COG5: variants seen among roughly 807,000 people sequenced by gnomAD.
The protein encoded by COG5 is component of oligomeric golgi complex 5, also known as conserved oligomeric Golgi complex subunit 5.
In COG5, 86 loss-of-function variants were observed where a neutral mutation model predicts 110.4. That is an observed-to-expected ratio of 0.78 (90% CI 0.65 to 0.93). The LOEUF (loss-of-function observed/expected upper bound fraction) is 0.93, where lower values mean the gene tolerates loss of function less well. Ranked by LOEUF, COG5 falls within the 40% of genes least tolerant of loss-of-function variation. The pLI is 0.00. For missense variants in COG5, 1,077 were observed against 987.0 expected, an observed-to-expected ratio of 1.09 and a Z score of -1.22; for synonymous variants, 360 against 334.6, an observed-to-expected ratio of 1.08 and a Z score of -0.83.
At chr7:107,447,242 T>C (rs1441349249) in intron 6 of COG5, among the ~76,000 whole-genome samples, 1 of 152,144 alleles carries the variant, frequency 6.6e-6, no homozygotes, top group Non-Finnish European at 1.5e-5. Context: ...CTCACCTCTC[T>C]GACTCATCTC....
At chr7:107,541,519 AAAAAATAT>A (rs1377032469) in intron 5 of COG5, among the ~76,000 whole-genome samples, 1 of 78,210 alleles carries the variant, frequency 1.3e-5, no homozygotes, top group Non-Finnish European at 2.8e-5. Context: ...AAAAAAAAAA[AAAAAATAT>A]ATATATATAT....
intron 21 of COG5, among the ~76,000 whole-genome samples, chr7:107,205,272 C>T (rs1218816622): frequency 6.6e-6 from 1 of 152,228 alleles, no homozygotes; most frequent in Non-Finnish European, 1.5e-5. Flanking sequence ...TGTGGAATTC[C>T]TGAAGGCTGG....
chr7:107,342,169 A>G (rs1584701798), intron 10 of COG5, among the ~76,000 whole-genome samples: 2 of 152,234 alleles, frequency 1.3e-5, no homozygotes, highest in Admixed American at 1.3e-4. Flanking sequence ...AACTTAATTC[A>G]ACAGTCAAAA....
At chr7:107,213,814 T>A (rs1442680388) in intron 19 of COG5, among the ~76,000 whole-genome samples, 1 of 152,136 alleles carries the variant, frequency 6.6e-6, no homozygotes, top group Non-Finnish European at 1.5e-5. Context: ...GAGGTGGCTG[T>A]CTCCTCAAAT....
intron 10 of COG5, among the ~76,000 whole-genome samples, chr7:107,349,243 T>A (rs976979163): frequency 2.0e-5 from 3 of 152,242 alleles, no homozygotes; most frequent in South Asian, 4.1e-4. Context: ...TAGTCAATCA[T>A]GTAATCTATA....
intron 6 of COG5, among the ~76,000 whole-genome samples, chr7:107,524,981 T>C (rs765153537): frequency 2.6e-5 from 4 of 152,040 alleles, no homozygotes; most frequent in Non-Finnish European, 4.4e-5. Flanking sequence ...CAGGCTGGAG[T>C]GCAGTTGCAG....
rs867123462 is a variant in COG5 at position 107,509,445 on chromosome 7, G to C, written c.538+17792C>G. The stretch of plus-strand genomic sequence containing the variant: ...GATTGGTGTACCTGAAAGTGATGGG[G>C]AGAATGGAACCAAGTTGGAAAACAC... On this transcript the variant is annotated intron_variant, in intron 6 of 21. Coordinates refer to ENST00000297135, the MANE Select transcript of COG5 (RefSeq NM_006348.5). Among the ~76,000 whole-genome samples, 56 of 152,338 alleles carry C rather than the reference G, an allele frequency of 3.7e-4. 1 individual carries two copies. Among genetic ancestry groups the C allele is most frequent in the African/African-American group, 1.3e-3 (52 of 41,582 alleles).
intron 6 of COG5, among the ~76,000 whole-genome samples, chr7:107,476,063 A>ATACTAT (rs1796959412): frequency 6.6e-6 from 1 of 151,178 alleles, no homozygotes; most frequent in Non-Finnish European, 1.5e-5. Flanking sequence ...GTATGCCTAT[A>ATACTAT]ATATACAAAT....
At chr7:107,530,271 C>G (rs546897532) in intron 5 of COG5, among the ~76,000 whole-genome samples, 3 of 152,268 alleles carry the variant, frequency 2.0e-5, no homozygotes, top group Non-Finnish European at 4.4e-5. Context: ...TCAAGTCTCT[C>G]ATTGAAATCC....
chr7:107,554,994 T>C (rs1803204925), intron 2 of COG5, among the ~76,000 whole-genome samples: 1 of 152,146 alleles, frequency 6.6e-6, no homozygotes, highest in Non-Finnish European at 1.5e-5. Context: ...CATTATTATG[T>C]TTTCCCTTTA....
chr7:107,209,595 T>G (rs2116180520), intron 21 of COG5: 1 of 159,958 alleles, frequency 6.3e-6, no homozygotes, highest in South Asian at 2.0e-4. Context: ...ATGATAGCAT[T>G]TAAGGAATGG....
At chr7:107,446,383 G>C (rs1273230886) in intron 6 of COG5, among the ~76,000 whole-genome samples, 1 of 152,114 alleles carries the variant, frequency 6.6e-6, no homozygotes, top group East Asian at 1.9e-4. Flanking sequence ...GGCTAATTAG[G>C]TAATACGGAA....
At chr7:107,416,788 G>A (rs892731878) in intron 6 of COG5, among the ~76,000 whole-genome samples, 1 of 152,188 alleles carries the variant, frequency 6.6e-6, no homozygotes, top group African/African-American at 2.4e-5. Flanking sequence ...CAGCAGATGG[G>A]ACGTTATAGG....
chr7:107,244,367 C>T (rs934892459), intron 17 of COG5, among the ~76,000 whole-genome samples: 4 of 152,138 alleles, frequency 2.6e-5, no homozygotes, highest in African/African-American at 9.7e-5. Flanking sequence ...ATGCTGACAT[C>T]AAAAAGCCAA....
intron 10 of COG5, among the ~76,000 whole-genome samples, chr7:107,355,446 C>G (rs1439657161): frequency 6.6e-6 from 1 of 152,118 alleles, no homozygotes; most frequent in Non-Finnish European, 1.5e-5. Flanking sequence ...ATGCAAAAGG[C>G]TGAGCAAGAG....
intron 14 of COG5, among the ~76,000 whole-genome samples, chr7:107,263,544 T>C (rs964165167): frequency 1.3e-5 from 2 of 152,096 alleles, no homozygotes; most frequent in African/African-American, 4.8e-5. Context: ...GCATTTGAGT[T>C]TATTTTTAAA....
chr7:107,287,784 TATA>T (rs1425869906), intron 12 of COG5, among the ~76,000 whole-genome samples: 2 of 152,194 alleles, frequency 1.3e-5, no homozygotes, highest in Non-Finnish European at 2.9e-5. Context: ...TTTCACTTAG[TATA>T]ATGTTTTCAA....
intron 8 of COG5, among the ~76,000 whole-genome samples, chr7:107,366,671 C>T (rs1813653972): frequency 6.6e-6 from 1 of 152,088 alleles, no homozygotes; most frequent in African/African-American, 2.4e-5. Context: ...TAATACAACA[C>T]TAAAACCCAG....
intron 11 of COG5, among the ~76,000 whole-genome samples, chr7:107,304,560 C>A (rs187919356): frequency 6.6e-6 from 1 of 152,282 alleles, no homozygotes; most frequent in East Asian, 1.9e-4. Context: ...TTATCTTAAT[C>A]TTCTTACTAC....
Sources: gnomAD v4.1 joint callset for allele counts (sites outside exome capture counted in the v4.1 genomes callset) on GRCh38, gnomAD v4.1.1 for gene constraint, MANE v1.5 for transcripts, NCBI Gene and HGNC (gene_info 2026-07-23, HGNC 2026-07-21) for gene names.